The following HNRNPC variants were observed in gnomAD, a reference collection of about 807,000 sequenced individuals.
The protein encoded by HNRNPC is heterogeneous nuclear ribonucleoproteins C1/C2.
A neutral mutation model predicts 33.2 loss-of-function variants in HNRNPC; 3 were observed. That is an observed-to-expected ratio of 0.09 (90% CI 0.04 to 0.23). The LOEUF (loss-of-function observed/expected upper bound fraction) is 0.23. Among genes scored for constraint, HNRNPC ranks in the 10% least tolerant of loss-of-function variants. The pLI, the probability that HNRNPC is intolerant of heterozygous loss-of-function variation, is 1.00. For synonymous variants in HNRNPC, 121 were observed against 126.7 expected, an observed-to-expected ratio of 0.96 and a Z score of 0.30; for missense variants, 143 against 366.7, an observed-to-expected ratio of 0.39 and a Z score of 4.98.
chr14:21,251,153 C>T (rs1050529826), intron 2 of HNRNPC, among the ~76,000 whole-genome samples: 6 of 141,246 alleles, frequency 4.2e-5, no homozygotes, highest in African/African-American at 1.3e-4. Context: ...CCTGGCTACT[C>T]GGGAGGCTAA....
Position 21,211,069 on chromosome 14 carries a change from A to G in HNRNPC, c.*154T>C. ...TGAAAATGGGACTAGGCGCGGGGCA[A>G]TATGAATTAATGAACATGGGAAGGA... On this transcript the variant is annotated 3_prime_UTR_variant, in exon 9 of 9. Transcript: ENST00000553300. The G allele has an allele frequency of 1.2e-6, 1 of 824,598 alleles. No homozygotes were observed. The highest frequency in any genetic ancestry group is 1.9e-6 in the Non-Finnish European group (1 of 514,352). 51.1% of individuals were successfully genotyped at this position (824,598 alleles called of 1,614,324 possible).
intron 5 of HNRNPC, among the ~76,000 whole-genome samples, chr14:21,215,416 T>C (rs996150690): frequency 6.6e-6 from 1 of 152,226 alleles, no homozygotes; most frequent in African/African-American, 2.4e-5. Context: ...ATACAATAGA[T>C]GAGGCAACAA....
intron 5 of HNRNPC, among the ~76,000 whole-genome samples, chr14:21,220,958 G>A (rs546372232): frequency 6.6e-5 from 10 of 152,220 alleles, no homozygotes; most frequent in East Asian, 5.8e-4. Flanking sequence ...ATGGTGGCGC[G>A]CCGGTATTCC....
chr14:21,250,419 A>G lies in HNRNPC; in HGVS notation c.-37+12892T>C, dbSNP rs1318814574. Among the ~76,000 whole-genome samples, 5 of 152,220 alleles carry G rather than the reference A, an allele frequency of 3.3e-5. No individual in the cohort carries two copies. In the South Asian group the frequency reaches 8.3e-4, roughly 25 times the overall value. On this transcript the variant is annotated intron_variant, in intron 2 of 8. Coordinates refer to ENST00000553300, the MANE Select transcript of HNRNPC (RefSeq NM_004500.4). ...TTCTGTATGTTTACATATTTTCCTTAAAACACTCAAGGAAAAAAATTATAA... is the reference window on the plus strand; with the variant it reads ...TTCTGTATGTTTACATATTTTCCTTGAAACACTCAAGGAAAAAAATTATAA...
rs768598894 is a variant in HNRNPC at position 21,211,789 on chromosome 14, G to A, written c.637+21C>T. 9 of 1,591,776 alleles carry A rather than the reference G, an allele frequency of 5.7e-6. No homozygotes were observed. In the East Asian group the frequency reaches 8.9e-5, roughly 16 times the overall value. On this transcript the variant is annotated intron_variant, in intron 7 of 8. Transcript: ENST00000553300. ...TAACTAACCCAACTGTATACCAAGG[G>A]CAAGCAGAAAACCCATTTACCTGCT...
intron 5 of HNRNPC, among the ~76,000 whole-genome samples, chr14:21,226,233 A>C (rs1006944101): frequency 2.0e-5 from 3 of 151,508 alleles, no homozygotes; most frequent in African/African-American, 7.3e-5. Context: ...GAGGCAGGAG[A>C]ATCTCGAGAA....
At chr14:21,238,719 T>G (rs1895013005) in intron 2 of HNRNPC, among the ~76,000 whole-genome samples, 1 of 152,186 alleles carries the variant, frequency 6.6e-6, no homozygotes, top group African/African-American at 2.4e-5. Flanking sequence ...TTTTCTTTTT[T>G]TAATGCAAGC....
chr14:21,241,276 A>AC (rs397934851), intron 2 of HNRNPC, among the ~76,000 whole-genome samples: 8 of 149,280 alleles, frequency 5.4e-5, no homozygotes, highest in Non-Finnish European at 1.2e-4. Flanking sequence ...AAAAAAAAAA[A>AC]CCACAACCAT....
chr14:21,220,581 A>G (rs1234687122), intron 5 of HNRNPC, among the ~76,000 whole-genome samples: 4 of 152,332 alleles, frequency 2.6e-5, no homozygotes, highest in Middle Eastern at 3.4e-3. Context: ...CAGCAGGATC[A>G]TAACAAATAT....
At chr14:21,268,432 G>C (rs1438509150) in intron 1 of HNRNPC, among the ~76,000 whole-genome samples, 1 of 152,136 alleles carries the variant, frequency 6.6e-6, no homozygotes, top group Non-Finnish European at 1.5e-5. Flanking sequence ...TCCGTCATCA[G>C]GTTCTTGGCA....
chr14:21,256,454 C>A (rs554776447), intron 2 of HNRNPC, among the ~76,000 whole-genome samples: 2 of 151,240 alleles, frequency 1.3e-5, no homozygotes, highest in Non-Finnish European at 3.0e-5. Context: ...CATCTCCCCC[C>A]CAAAAAAAAA....
At chr14:21,250,822 G>C (rs577045011) in intron 2 of HNRNPC, among the ~76,000 whole-genome samples, 3 of 152,310 alleles carry the variant, frequency 2.0e-5, no homozygotes, top group South Asian at 4.1e-4. Context: ...AGTGAAAAGT[G>C]TTCTAGATTC....
chr14:21,211,070 T>C lies in HNRNPC; in HGVS notation c.*153A>G, dbSNP rs1232563411. Reference sequence around the variant, plus strand: ...GAAAATGGGACTAGGCGCGGGGCAATATGAATTAATGAACATGGGAAGGAC... The same window carrying C: ...GAAAATGGGACTAGGCGCGGGGCAACATGAATTAATGAACATGGGAAGGAC... On this transcript the variant is annotated 3_prime_UTR_variant, in exon 9 of 9. Transcript: ENST00000553300. The C allele has an allele frequency of 5.7e-5, 48 of 835,426 alleles. No individual in the cohort carries two copies. The East Asian group carries it at 1.2e-3, about 20-fold the overall frequency. The allele number at this position is 835,426 out of a possible 1,614,324, so 51.8% of individuals were successfully genotyped here. A position where few individuals can be genotyped will look rare whatever the true frequency, so the allele number is the denominator to read the frequency against.
At chr14:21,248,895 A>C (rs1462957412) in intron 2 of HNRNPC, among the ~76,000 whole-genome samples, 1 of 151,736 alleles carries the variant, frequency 6.6e-6, no homozygotes, top group Non-Finnish European at 1.5e-5. Context: ...TGGACACATT[A>C]ACAGTAAAAA....
At chr14:21,232,607 C>G (rs757609082) in intron 3 of HNRNPC, among the ~76,000 whole-genome samples, 14 of 152,168 alleles carry the variant, frequency 9.2e-5, no homozygotes, top group Non-Finnish European at 1.5e-4. Flanking sequence ...ACCTCATGGC[C>G]TGCCCAACTC....
intron 2 of HNRNPC, among the ~76,000 whole-genome samples, chr14:21,254,983 T>C (rs1876918937): frequency 6.6e-6 from 1 of 151,762 alleles, no homozygotes; most frequent in Non-Finnish European, 1.5e-5. Context: ...GCCATAACTC[T>C]AGCATGAATT....
chr14:21,267,963 G>T (rs1450897962), intron 1 of HNRNPC, among the ~76,000 whole-genome samples: 1 of 152,070 alleles, frequency 6.6e-6, no homozygotes, highest in Non-Finnish European at 1.5e-5. Context: ...GAAAGGGGTC[G>T]CGATGTTTTT....
At chr14:21,238,368 A>G (rs1894959987) in intron 2 of HNRNPC, among the ~76,000 whole-genome samples, 1 of 152,214 alleles carries the variant, frequency 6.6e-6, no homozygotes, top group Non-Finnish European at 1.5e-5. Flanking sequence ...ACTACATAAA[A>G]ATCATTTAAG....
chr14:21,237,325 T>C (rs575864180), intron 2 of HNRNPC, among the ~76,000 whole-genome samples: 1 of 152,372 alleles, frequency 6.6e-6, no homozygotes, highest in South Asian at 2.1e-4. Context: ...ATAAACGTGA[T>C]GCATTTGAAG....
Sources: allele counts gnomAD v4.1 joint callset (sites outside exome capture counted in the v4.1 genomes callset), GRCh38; gene constraint gnomAD v4.1.1; transcripts MANE v1.5; gene names NCBI Gene and HGNC (gene_info 2026-07-23, HGNC 2026-07-21).